Variants in USP15 observed in about 807,000 individuals in gnomAD.
USP15 encodes the protein ubiquitin specific peptidase 15.
Under a neutral mutation model 127.1 loss-of-function variants are expected in USP15, and 18 were observed. The ratio of observed to expected loss-of-function variants is 0.14; its 90% CI spans 0.10 to 0.21. The LOEUF (loss-of-function observed/expected upper bound fraction) is 0.21, where lower values mean the gene tolerates loss of function less well. USP15 is among the 10% of genes least tolerant of loss of function. The pLI, the probability that USP15 is intolerant of heterozygous loss-of-function variation, is 1.00. For missense variants in USP15, 805 were observed against 1,159.9 expected (o/e 0.69, Z 4.44); for synonymous variants, 364 against 393.7 (o/e 0.92, Z 0.89).
chr12:62,331,613 CCTA>C (rs1484672225), intron 6 of USP15, among the ~76,000 whole-genome samples: 3 of 152,066 alleles, frequency 2.0e-5, no homozygotes, highest in Admixed American at 6.6e-5. Context: ...AATAGAGGAA[CCTA>C]CTTAGTGCTC....
At chr12:62,375,129 A>G (rs1406373697) in intron 8 of USP15, among the ~76,000 whole-genome samples, 1 of 152,120 alleles carries the variant, frequency 6.6e-6, no homozygotes, top group African/African-American at 2.4e-5. Context: ...TAGAATTTTT[A>G]TGTCTGCTTC....
chr12:62,331,917 C>A (rs1178938311), intron 6 of USP15, among the ~76,000 whole-genome samples: 1 of 152,178 alleles, frequency 6.6e-6, no homozygotes, highest in Non-Finnish European at 1.5e-5. Flanking sequence ...ATGATCCCAG[C>A]ACTTTGGGAG....
intron 8 of USP15, among the ~76,000 whole-genome samples, chr12:62,369,476 T>C (rs1234562914): frequency 6.6e-6 from 1 of 151,992 alleles, no homozygotes; most frequent in Non-Finnish European, 1.5e-5. Flanking sequence ...TTTTTTTTTT[T>C]CCTGCTACCT....
intron 8 of USP15, among the ~76,000 whole-genome samples, chr12:62,372,580 A>G (rs900649917): frequency 2.6e-5 from 4 of 152,152 alleles, no homozygotes; most frequent in African/African-American, 9.6e-5. Flanking sequence ...ATGCCTTTGC[A>G]GAAGAACTAA....
intron 1 of USP15, among the ~76,000 whole-genome samples, chr12:62,276,875 A>T (rs79575176): frequency 1.2e-4 from 19 of 152,146 alleles, no homozygotes; most frequent in African/African-American, 4.3e-4. Flanking sequence ...AGTAATGAAT[A>T]AAAACTGTGC....
intron 6 of USP15, chr12:62,336,218 T>C: frequency 3.0e-6 from 3 of 985,440 alleles, no homozygotes; most frequent in Non-Finnish European, 3.6e-6. Flanking sequence ...TGACACAAAA[T>C]ATGCCATTCT....
At chr12:62,359,513 T>C (rs1326407230) in intron 8 of USP15, among the ~76,000 whole-genome samples, 2 of 152,166 alleles carry the variant, frequency 1.3e-5, no homozygotes, top group African/African-American at 4.8e-5. Flanking sequence ...ATACATATTA[T>C]GTAGAAATTA....
chr12:62,351,199 A>T (rs1322707741), intron 7 of USP15, among the ~76,000 whole-genome samples: 1 of 152,010 alleles, frequency 6.6e-6, no homozygotes, highest in African/African-American at 2.4e-5. Context: ...TAATATTACA[A>T]CATAGTGTAA....
chr12:62,339,780 G>A (rs534691750), intron 6 of USP15, among the ~76,000 whole-genome samples: 10 of 152,162 alleles, frequency 6.6e-5, no homozygotes, highest in African/African-American at 2.2e-4. Context: ...TGCTGGATTC[G>A]GTTGACCAAT....
At chr12:62,261,222 A>G (rs1384795172) in intron 1 of USP15, among the ~76,000 whole-genome samples, 4 of 152,202 alleles carry the variant, frequency 2.6e-5, no homozygotes, top group Non-Finnish European at 4.4e-5. Flanking sequence ...CAAAAAGTAG[A>G]TAAGTCCACT....
intron 3 of USP15, among the ~76,000 whole-genome samples, chr12:62,311,262 T>C (rs188643786): frequency 6.6e-6 from 1 of 151,976 alleles, no homozygotes; most frequent in East Asian, 1.9e-4. Context: ...ATACTGAAAA[T>C]TGTGAAACAT....
chr12:62,309,975 A>C (rs919796069), intron 3 of USP15, among the ~76,000 whole-genome samples: 2 of 151,964 alleles, frequency 1.3e-5, no homozygotes, highest in Non-Finnish European at 1.5e-5. Flanking sequence ...AATATAGTAA[A>C]AAGAACTAAA....
intron 8 of USP15, among the ~76,000 whole-genome samples, chr12:62,369,041 G>C (rs1049761973): frequency 1.3e-5 from 2 of 152,054 alleles, no homozygotes; most frequent in African/African-American, 4.8e-5. Flanking sequence ...TCTAGACATT[G>C]GCATACCCAG....
At chr12:62,264,883 C>T (rs945687619) in intron 1 of USP15, among the ~76,000 whole-genome samples, 1 of 151,988 alleles carries the variant, frequency 6.6e-6, no homozygotes, top group African/African-American at 2.4e-5. Flanking sequence ...TGTTTACGAC[C>T]AGAGTAGGGT....
chr12:62,264,579 C>T (rs1389406507), intron 1 of USP15, among the ~76,000 whole-genome samples: 2 of 152,160 alleles, frequency 1.3e-5, no homozygotes, highest in Admixed American at 6.5e-5. Context: ...ATTTTCATTT[C>T]AATAATTGCC....
intron 8 of USP15, among the ~76,000 whole-genome samples, chr12:62,361,286 G>C (rs1347456894): frequency 1.3e-5 from 2 of 152,002 alleles, no homozygotes; most frequent in African/African-American, 4.8e-5. Flanking sequence ...CATGAGATTT[G>C]ATTTGTCGCT....
At chr12:62,401,870 G>T (rs1418321227) in intron 21 of USP15, among the ~76,000 whole-genome samples, 1 of 148,794 alleles carries the variant, frequency 6.7e-6, no homozygotes, top group East Asian at 2.0e-4. Flanking sequence ...GTGTGTGTGT[G>T]TGTATATGTA....
At chr12:62,381,001 G>T (rs1037135492) in intron 8 of USP15, among the ~76,000 whole-genome samples, 1 of 152,016 alleles carries the variant, frequency 6.6e-6, no homozygotes, top group East Asian at 1.9e-4. Flanking sequence ...TCTAAAAATG[G>T]TTGACCATAT....
rs560246232 is a variant in USP15 at position 62,282,827 on chromosome 12, A to G, written c.90-11352A>G. On this transcript the variant is annotated intron_variant, in intron 1 of 21. Transcript: ENST00000280377. ...AAAAGGAGGCTACTGTATAACTGTA[A>G]AGGATTTATTAAGTACTTTGGGAGA... is the stretch of plus-strand genomic sequence containing the variant. Among the ~76,000 whole-genome samples the G allele has an allele frequency of 2.0e-5, 3 of 152,338 alleles. No individual in the cohort carries two copies. In the South Asian group the frequency reaches 6.2e-4, roughly 32 times the overall value.
Sources: allele counts gnomAD v4.1 joint callset (sites outside exome capture counted in the v4.1 genomes callset), GRCh38; gene constraint gnomAD v4.1.1; transcripts MANE v1.5; gene names NCBI Gene and HGNC (gene_info 2026-07-23, HGNC 2026-07-21).